The following CNTNAP2 variants were observed in gnomAD, a reference collection of about 807,000 sequenced individuals.
CNTNAP2 encodes the protein contactin-associated protein-like 2.
Under a neutral mutation model 155.2 loss-of-function variants are expected in CNTNAP2, and 98 were observed. The observed-to-expected ratio is 0.63, with a 90% CI of 0.54 to 0.75. CNTNAP2 has a LOEUF of 0.75. Among genes scored for constraint, CNTNAP2 ranks in the 30% least tolerant of loss-of-function variants. The pLI, the probability that CNTNAP2 is intolerant of heterozygous loss-of-function variation, is 0.00. For missense variants in CNTNAP2, 1,727 were observed against 1,688.1 expected, an observed-to-expected ratio of 1.02 and a Z score of -0.40; for synonymous variants, 651 against 631.2, an observed-to-expected ratio of 1.03 and a Z score of -0.47.
chr7:148,027,762 GA>G (rs1802399782), intron 15 of CNTNAP2, among the ~76,000 whole-genome samples: 1 of 152,122 alleles, frequency 6.6e-6, no homozygotes. Flanking sequence ...ATGAAAAAAA[GA>G]AAGGATTTCA....
chr7:147,709,469 A>T (rs987113182), intron 13 of CNTNAP2, among the ~76,000 whole-genome samples: 1 of 152,230 alleles, frequency 6.6e-6, no homozygotes, highest in African/African-American at 2.4e-5. Flanking sequence ...TTTTGTAAAG[A>T]TGCTGATACA....
intron 1 of CNTNAP2, among the ~76,000 whole-genome samples, chr7:146,496,286 G>A (rs576187806): frequency 1.9e-4 from 29 of 152,192 alleles, no homozygotes; most frequent in African/African-American, 7.0e-4. Flanking sequence ...ATGTCCATGT[G>A]GAAACATGCT....
At chr7:147,321,101 T>A (rs1467377244) in intron 9 of CNTNAP2, among the ~76,000 whole-genome samples, 1 of 152,258 alleles carries the variant, frequency 6.6e-6, no homozygotes, top group Non-Finnish European at 1.5e-5. Flanking sequence ...TTTTTCATAC[T>A]TACCTCTGTG....
chr7:147,674,386 C>T (rs1168638772), intron 13 of CNTNAP2, among the ~76,000 whole-genome samples: 2 of 152,248 alleles, frequency 1.3e-5, no homozygotes, highest in South Asian at 4.1e-4. Context: ...TTACAAACCA[C>T]TTCATTTGCA....
In CNTNAP2 at chr7:147,636,742, T is replaced by A. The variant is rs145078689; in HGVS notation, c.1898-2364T>A. Among the ~76,000 whole-genome samples, 346 of 152,324 alleles carry A rather than the reference T, an allele frequency of 2.3e-3. 2 individuals carry two copies. The highest frequency in any genetic ancestry group is 8.0e-3 in the African/African-American group (332 of 41,576). On this transcript the variant is annotated intron_variant, in intron 12 of 23. Transcript: ENST00000361727. ...AACTAATATTTCTGAAGCCCTACTA[T>A]GTGCCAATTATTGTGCAATCTCTGC...
At chr7:147,980,143 A>G (rs1447272285) in intron 15 of CNTNAP2, among the ~76,000 whole-genome samples, 1 of 152,260 alleles carries the variant, frequency 6.6e-6, no homozygotes, top group Non-Finnish European at 1.5e-5. Flanking sequence ...TGAAATGAAC[A>G]TGAAAAAATA....
intron 10 of CNTNAP2, among the ~76,000 whole-genome samples, chr7:147,453,909 T>C (rs1417561577): frequency 1.3e-5 from 2 of 152,170 alleles, no homozygotes; most frequent in Admixed American, 6.6e-5. Context: ...CACGTATCTA[T>C]ATGAGAAAGG....
At chr7:147,253,644 C>A (rs1397519959) in intron 8 of CNTNAP2, among the ~76,000 whole-genome samples, 2 of 152,116 alleles carry the variant, frequency 1.3e-5, no homozygotes, top group Admixed American at 6.5e-5. Flanking sequence ...AAAACTGTTT[C>A]TTCCAGTTTG....
At chr7:146,629,325 T>G (rs1356252592) in intron 1 of CNTNAP2, among the ~76,000 whole-genome samples, 2 of 152,186 alleles carry the variant, frequency 1.3e-5, no homozygotes, top group East Asian at 3.8e-4. Flanking sequence ...TCATAATATT[T>G]GTCACTACTT....
chr7:146,999,998 G>C (rs1160703730), intron 3 of CNTNAP2, among the ~76,000 whole-genome samples: 2 of 151,670 alleles, frequency 1.3e-5, no homozygotes, highest in Non-Finnish European at 2.9e-5. Context: ...GAATGCCAAT[G>C]ATTATTATAT....
chr7:146,510,806 G>A (rs1380303607), intron 1 of CNTNAP2, among the ~76,000 whole-genome samples: 1 of 151,788 alleles, frequency 6.6e-6, no homozygotes, highest in Non-Finnish European at 1.5e-5. Flanking sequence ...GTACATAAAT[G>A]CTACTGAGTT....
intron 21 of CNTNAP2, among the ~76,000 whole-genome samples, chr7:148,364,026 G>A (rs545132879): frequency 9.2e-5 from 14 of 152,324 alleles, no homozygotes; most frequent in African/African-American, 3.1e-4. Context: ...ATTTCTCGCC[G>A]GGCCTTGGCT....
At position 146,262,045 on chromosome 7, in the gene CNTNAP2, G is replaced by A. The variant is rs769873325; in HGVS notation, c.97+145072G>A. Among the ~76,000 whole-genome samples the A allele has an allele frequency of 6.6e-5, 10 of 152,094 alleles. No individual in the cohort carries two copies. The South Asian group carries it at 1.7e-3, about 25-fold the overall frequency. On this transcript the variant is annotated intron_variant, in intron 1 of 23. Transcript: ENST00000361727. Reference sequence around the variant, plus strand: ...TCTTTTATTGTTCTGCTTGGAAAGCGTGAAGGACCCAGAAGGGTGATAATT... The same window carrying A: ...TCTTTTATTGTTCTGCTTGGAAAGCATGAAGGACCCAGAAGGGTGATAATT...
intron 23 of CNTNAP2, among the ~76,000 whole-genome samples, chr7:148,412,407 G>C (rs1027963724): frequency 6.6e-6 from 1 of 152,226 alleles, no homozygotes; most frequent in South Asian, 2.1e-4. Flanking sequence ...GTATCTATAC[G>C]TTTATTTGTC....
chr7:148,326,686 G>A (rs943159509), intron 21 of CNTNAP2, among the ~76,000 whole-genome samples: 5 of 151,874 alleles, frequency 3.3e-5, no homozygotes, highest in African/African-American at 4.8e-5. Flanking sequence ...CCAACACGGT[G>A]AAACCCCGTC....
intron 12 of CNTNAP2, among the ~76,000 whole-genome samples, chr7:147,586,429 C>T (rs66477973): frequency 0.3 from 44,464 of 150,718 alleles, 7,354 homozygotes; most frequent in African/African-American, 0.45. Flanking sequence ...TTTAAAATGC[C>T]CTTGGCCAAG....
At chr7:146,300,835 C>T (rs897138764) in intron 1 of CNTNAP2, among the ~76,000 whole-genome samples, 12 of 152,058 alleles carry the variant, frequency 7.9e-5, no homozygotes, top group Non-Finnish European at 1.5e-4. Flanking sequence ...GTAATTATAT[C>T]GTACATTGAT....
intron 8 of CNTNAP2, among the ~76,000 whole-genome samples, chr7:147,182,509 G>A (rs2116502951): frequency 6.6e-6 from 1 of 151,876 alleles, no homozygotes; most frequent in South Asian, 2.1e-4. Context: ...TTTGAACCTT[G>A]AACCTTGGTA....
intron 2 of CNTNAP2, among the ~76,000 whole-genome samples, chr7:146,828,467 A>G (rs1358949816): frequency 2.6e-5 from 4 of 152,090 alleles, no homozygotes; most frequent in Admixed American, 6.6e-5. Flanking sequence ...TCTGATAACT[A>G]GCTTTCATTT....
Sources: gnomAD v4.1 joint callset for allele counts (sites outside exome capture counted in the v4.1 genomes callset) on GRCh38, gnomAD v4.1.1 for gene constraint, MANE v1.5 for transcripts, NCBI Gene and HGNC (gene_info 2026-07-23, HGNC 2026-07-21) for gene names.